EXOC3: variants seen among roughly 807,000 people sequenced by gnomAD.
EXOC3 encodes the protein exocyst complex component 3.
In EXOC3, 21 loss-of-function variants were observed where a neutral mutation model predicts 73.7. That is an observed-to-expected ratio of 0.29 (90% CI 0.20 to 0.41). The LOEUF (loss-of-function observed/expected upper bound fraction) is 0.41, where lower values mean the gene tolerates loss of function less well. EXOC3 is among the 10% of genes least tolerant of loss of function. The pLI, the probability that EXOC3 is intolerant of heterozygous loss-of-function variation, is 1.00. For missense variants in EXOC3, 842 were observed against 985.1 expected (o/e 0.85, Z 1.95); for synonymous variants, 410 against 389.1 (o/e 1.05, Z -0.63).
intron 1 of EXOC3, among the ~76,000 whole-genome samples, chr5:445,674 G>T (rs544258757): frequency 1.3e-5 from 2 of 152,324 alleles, no homozygotes; most frequent in East Asian, 1.9e-4. Flanking sequence ...ACTTTTATAG[G>T]GTGGGAATTG....
chr5:448,328 C>T (rs925251272), intron 3 of EXOC3, among the ~76,000 whole-genome samples: 1 of 152,174 alleles, frequency 6.6e-6, no homozygotes, highest in Non-Finnish European at 1.5e-5. Context: ...TGAACGGTGC[C>T]AGCTGGCCCT....
chr5:454,278 C>T (rs1435187558), intron 4 of EXOC3, among the ~76,000 whole-genome samples: 3 of 152,248 alleles, frequency 2.0e-5, no homozygotes, highest in African/African-American at 4.8e-5. Flanking sequence ...CTGCTCTTGG[C>T]CTCCAGCCCC....
chr5:448,822 T>G (rs1012767963), intron 3 of EXOC3, among the ~76,000 whole-genome samples: 1 of 152,210 alleles, frequency 6.6e-6, no homozygotes, highest in Non-Finnish European at 1.5e-5. Context: ...TGTGCCCTTC[T>G]TCCAGGGCAT....
intron 9 of EXOC3, 133 bp downstream of exon 9, chr5:462,440 G>A (rs938140664): frequency 9.2e-5 from 93 of 1,012,582 alleles, no homozygotes; most frequent in African/African-American, 2.2e-4. Flanking sequence ...CTTGCATTCC[G>A]GTCAGATCGC....
chr5:457,759 A>T, intron 5 of EXOC3, 141 bp from the exon 6 acceptor site: 1 of 883,756 alleles, frequency 1.1e-6, no homozygotes, highest in Non-Finnish European at 1.7e-6. Flanking sequence ...CCTGCTCTGG[A>T]GTCCTCATTT....
chr5:456,726 C>T (rs534595037), intron 4 of EXOC3, among the ~76,000 whole-genome samples, 163 bp from the exon 5 acceptor site: 3 of 152,086 alleles, frequency 2.0e-5, no homozygotes, highest in East Asian at 1.9e-4. Flanking sequence ...CCAAAGCCCT[C>T]GGCCCCTGCC....
In EXOC3 at chr5:467,004, C is replaced by T. The variant is rs1336725926; in HGVS notation, c.*106C>T. ...TGGCCACACGTGCTCCTTTTAGCTGCACGGCCTGTCTTTAGGTGCCAGTGT... is the reference window on the plus strand; with the variant it reads ...TGGCCACACGTGCTCCTTTTAGCTGTACGGCCTGTCTTTAGGTGCCAGTGT... On this transcript the variant is annotated 3_prime_UTR_variant, in exon 13 of 13. Transcript: ENST00000512944. The T allele has an allele frequency of 5.9e-6, 7 of 1,183,750 alleles. No individual in the cohort carries two copies. Among genetic ancestry groups the T allele is most frequent in the African/African-American group, 1.5e-5 (1 of 65,344 alleles). 73.3% of individuals were successfully genotyped at this position (1,183,750 alleles called of 1,614,324 possible).
chr5:463,921 A>C (rs1285846637), intron 9 of EXOC3, among the ~76,000 whole-genome samples: 1 of 152,276 alleles, frequency 6.6e-6, no homozygotes, highest in East Asian at 1.9e-4. Context: ...CATTTTGGGA[A>C]GCTCATCACA....
intron 1 of EXOC3, chr5:444,785 G>T (rs1194453903): frequency 6.6e-6 from 1 of 152,122 alleles, no homozygotes; most frequent in African/African-American, 2.4e-5. Context: ...CCTGAGTGGT[G>T]GGATTTACGG....
At position 465,113 on chromosome 5, in the gene EXOC3, G is replaced by A. The variant is rs1738101787; in HGVS notation, c.1779G>A (p.Arg593=). The A allele has an allele frequency of 6.3e-7, 1 of 1,574,838 alleles. No individual in the cohort carries two copies. Among genetic ancestry groups the A allele is most frequent in the East Asian group, 2.3e-5 (1 of 43,124 alleles). ...FAKIKKPYKK[R]MTAEAHRRVV... ...GCTGACCGCGCGTGTCTCCCCAGAGGATGACGGCCGAGGCGCACCGGCGCG... is the reference window on the plus strand; with the variant it reads ...GCTGACCGCGCGTGTCTCCCCAGAGAATGACGGCCGAGGCGCACCGGCGCG... Residue 593 remains arginine (R), a splice_region_variant and synonymous_variant, in exon 11 of 13, where the codon AGG becomes AGA. Transcript: ENST00000512944.
rs867284203 is a variant in EXOC3, at chr5:443,226, C to T, written c.-121C>T. Reference sequence around the variant, plus strand: ...GAGGCAGCGAAGGCGGAGGGGGCGGCGGGGGCGGCGGCGGCGGCGGCGGCG... The same window carrying T: ...GAGGCAGCGAAGGCGGAGGGGGCGGTGGGGGCGGCGGCGGCGGCGGCGGCG... On this transcript the variant is annotated 5_prime_UTR_variant, in exon 1 of 13. Transcript: ENST00000512944. 1.1e-4 allele frequency: 9 copies of T among 84,250 alleles called. No homozygotes were observed. Among genetic ancestry groups the T allele is most frequent in the African/African-American group, 1.5e-4 (5 of 33,962 alleles). 5.2% of individuals were successfully genotyped at this position (84,250 alleles called of 1,614,324 possible).
At chr5:463,147 G>T (rs1034136769) in intron 9 of EXOC3, among the ~76,000 whole-genome samples, 1 of 152,120 alleles carries the variant, frequency 6.6e-6, no homozygotes, top group Non-Finnish European at 1.5e-5. Flanking sequence ...TGGCCATCTG[G>T]TGGTCCTGCT....
chr5:467,005 A>G lies in EXOC3; in HGVS notation c.*107A>G. The G allele has an allele frequency of 8.4e-7, 1 of 1,186,744 alleles. No homozygotes were observed. Among genetic ancestry groups the G allele is most frequent in the Non-Finnish European group, 1.2e-6 (1 of 847,552 alleles). The allele number at this position is 1,186,744 out of a possible 1,614,324, so 73.5% of individuals were successfully genotyped here. On this transcript the variant is annotated 3_prime_UTR_variant, in exon 13 of 13. Transcript: ENST00000512944. ...GGCCACACGTGCTCCTTTTAGCTGC[A>G]CGGCCTGTCTTTAGGTGCCAGTGTG... is the stretch of plus-strand genomic sequence containing the variant.
rs1210081769 is a variant in EXOC3 at position 465,214 on chromosome 5, C to T, written c.1880C>T (p.Ala627Val). 1 of 1,593,494 alleles carries T rather than the reference C, an allele frequency of 6.3e-7. No individual in the cohort carries two copies. The highest frequency in any genetic ancestry group is 1.8e-5 in the Admixed American group (1 of 56,794). ...FRSPEERKEG[A>V]EKMVREAEQL... Reference sequence around the variant, plus strand: ...AGCCCGGAGGAGCGCAAGGAGGGTGCCGAGAAGATGGTTAGGGAGGCAGAG... The same window carrying T: ...AGCCCGGAGGAGCGCAAGGAGGGTGTCGAGAAGATGGTTAGGGAGGCAGAG... The change falls in exon 11 of 13, where the codon GCC becomes GTC. Residue 627 changes from alanine (A) to valine (V), a missense_variant. Ala to Val is a moderately conservative substitution (Grantham distance 64). Coordinates refer to ENST00000512944, the MANE Select transcript of EXOC3 (RefSeq NM_007277.5).
At chr5:447,906 G>A (rs931304132) in intron 3 of EXOC3, among the ~76,000 whole-genome samples, 154 bp downstream of exon 3, 26 of 152,326 alleles carry the variant, frequency 1.7e-4, no homozygotes, top group Admixed American at 3.9e-4. Flanking sequence ...TTTGAACGTG[G>A]ATGGAAGTGA....
intron 12 of EXOC3, chr5:466,083 G>A (rs1738140307): frequency 7.8e-6 from 3 of 386,832 alleles, no homozygotes; most frequent in Non-Finnish European, 1.5e-5. Flanking sequence ...CATCCCGGGT[G>A]GGGACAGTGG....
intron 3 of EXOC3, among the ~76,000 whole-genome samples, chr5:452,166 T>C (rs904603550): frequency 2.0e-5 from 3 of 152,234 alleles, no homozygotes; most frequent in Non-Finnish European, 4.4e-5. Flanking sequence ...TAAGCATATG[T>C]TGGCCTGCTT....
At chr5:464,500 T>G in intron 10 of EXOC3, 88 bp downstream of exon 10, 1 of 1,419,496 alleles carries the variant, frequency 7.0e-7, no homozygotes, top group Non-Finnish European at 9.8e-7. Flanking sequence ...AGCGAGTCCC[T>G]CCGTGAGTGA....
rs745396562 is a variant in EXOC3 at position 447,716 on chromosome 5, G to A, written c.328G>A (p.Ala110Thr). The A allele has an allele frequency of 6.3e-6, 10 of 1,582,708 alleles. No homozygotes were observed. The highest frequency in any genetic ancestry group is 1.2e-5 in the South Asian group (1 of 86,882). ...CGCCGTGGTGCAGCACAGCCAGCTC[G>A]CCGCAGCCGTGGAGAACCTCAAGAA... The part of the protein sequence containing the change: ...KDAVVQHSQL[A>T]AAVENLKNIF... The change falls in exon 3 of 13, where the codon GCC (alanine) becomes ACC (threonine). Residue 110 changes from alanine (A) to threonine (T), a missense_variant. Transcript: ENST00000512944.
Sources: allele counts gnomAD v4.1 joint callset (sites outside exome capture counted in the v4.1 genomes callset), GRCh38; gene constraint gnomAD v4.1.1; transcripts MANE v1.5; gene names NCBI Gene and HGNC (gene_info 2026-07-23, HGNC 2026-07-21).